Variants in ADGRL3 observed in about 807,000 individuals in gnomAD.
The protein encoded by ADGRL3 is calcium-independent alpha-latrotoxin receptor 3.
In ADGRL3, 62 loss-of-function variants were observed where a neutral mutation model predicts 153.5. The observed-to-expected ratio is 0.40, with a 90% CI of 0.33 to 0.50. ADGRL3 has a LOEUF of 0.50. Among genes scored for constraint, ADGRL3 ranks in the 20% least tolerant of loss-of-function variants. ADGRL3 has a pLI of 0.47. For synonymous variants in ADGRL3, 710 were observed against 672.5 expected (o/e 1.06, Z -0.86); for missense variants, 1,641 against 1,859.4 (o/e 0.88, Z 2.16).
intron 9 of ADGRL3, 122 bp downstream of exon 9, chr4:61,814,011 A>G (rs776135272): frequency 2.4e-6 from 3 of 1,234,162 alleles, no homozygotes; most frequent in Non-Finnish European, 3.3e-6. Context: ...AAAATGAAGT[A>G]TGTGAGTAAT....
At chr4:61,562,560 C>T (rs77248148) in intron 4 of ADGRL3, among the ~76,000 whole-genome samples, 12 of 152,026 alleles carry the variant, frequency 7.9e-5, no homozygotes, top group African/African-American at 1.2e-4. Flanking sequence ...AATGTTCACC[C>T]GGAGTAGATT....
chr4:61,930,098 C>G (rs143632364), intron 13 of ADGRL3, among the ~76,000 whole-genome samples: 1 of 151,520 alleles, frequency 6.6e-6, no homozygotes, highest in South Asian at 2.1e-4. Flanking sequence ...ATGGCATGAA[C>G]CTGGGAGGTG....
intron 9 of ADGRL3, among the ~76,000 whole-genome samples, chr4:61,872,205 C>T (rs370912647): frequency 5.3e-5 from 8 of 152,036 alleles, no homozygotes; most frequent in African/African-American, 9.6e-5. Flanking sequence ...TAGTGTGTGT[C>T]GGATGTGATG....
intron 5 of ADGRL3, among the ~76,000 whole-genome samples, chr4:61,646,932 C>T (rs2150314068): frequency 6.6e-6 from 1 of 152,344 alleles, no homozygotes; most frequent in East Asian, 1.9e-4. Context: ...CAGCGAGACT[C>T]CGTGGGCGTA....
chr4:61,334,163 C>T (rs2095630251), intron 1 of ADGRL3, among the ~76,000 whole-genome samples: 3 of 152,062 alleles, frequency 2.0e-5, no homozygotes, highest in African/African-American at 7.2e-5. Flanking sequence ...GTTATCCTCC[C>T]ACCTCAGCCT....
chr4:61,373,410 T>C (rs1324161646), intron 1 of ADGRL3, among the ~76,000 whole-genome samples: 1 of 152,222 alleles, frequency 6.6e-6, no homozygotes, highest in Admixed American at 6.5e-5. Context: ...TAGGTATACA[T>C]AAAATTATGT....
At chr4:61,641,726 G>A (rs2093684183) in intron 5 of ADGRL3, among the ~76,000 whole-genome samples, 1 of 151,620 alleles carries the variant, frequency 6.6e-6, no homozygotes, top group African/African-American at 2.4e-5. Context: ...TTGCTATTGT[G>A]AATAATGCCA....
intron 4 of ADGRL3, among the ~76,000 whole-genome samples, chr4:61,535,740 A>G (rs2098651834): frequency 6.6e-6 from 1 of 151,952 alleles, no homozygotes; most frequent in Admixed American, 6.6e-5. Context: ...AGATTTTCAT[A>G]ATAGTCTTTG....
chr4:61,513,307 A>G (rs552627997), intron 3 of ADGRL3, among the ~76,000 whole-genome samples: 2 of 152,332 alleles, frequency 1.3e-5, no homozygotes, highest in African/African-American at 2.4e-5. Flanking sequence ...CAAGTTATCT[A>G]TCATTGAATT....
intron 1 of ADGRL3, among the ~76,000 whole-genome samples, chr4:61,352,487 C>G (rs1185218878): frequency 6.6e-6 from 1 of 151,710 alleles, no homozygotes; most frequent in Admixed American, 6.6e-5. Flanking sequence ...CTCCCAGGTT[C>G]AATTATCCTG....
chr4:61,714,978 A>G (rs1294525333), intron 6 of ADGRL3, among the ~76,000 whole-genome samples: 4 of 152,194 alleles, frequency 2.6e-5, no homozygotes, highest in Admixed American at 2.0e-4. Flanking sequence ...ATTTGTAGGC[A>G]TCATCAATCA....
intron 1 of ADGRL3, among the ~76,000 whole-genome samples, chr4:61,265,330 T>G (rs1205952441): frequency 6.6e-6 from 1 of 151,892 alleles, no homozygotes; most frequent in Non-Finnish European, 1.5e-5. Context: ...ATTTCTAAGG[T>G]GGGTTTGATT....
intron 1 of ADGRL3, among the ~76,000 whole-genome samples, chr4:61,238,166 C>T (rs972113938): frequency 1.3e-5 from 2 of 152,142 alleles, no homozygotes; most frequent in South Asian, 2.1e-4. Flanking sequence ...TCTTATAGTA[C>T]AAGAGCACAA....
intron 17 of ADGRL3, 43 bp from the exon 18 acceptor site, chr4:61,979,520 T>A (rs1372654196): frequency 6.5e-7 from 1 of 1,540,212 alleles, no homozygotes; most frequent in South Asian, 1.1e-5. Context: ...TTGTAATTGG[T>A]TATGCATAAG....
intron 1 of ADGRL3, among the ~76,000 whole-genome samples, chr4:61,211,355 C>A (rs893931640): frequency 1.3e-5 from 2 of 152,186 alleles, no homozygotes; most frequent in African/African-American, 2.4e-5. Context: ...CTGCTGGATT[C>A]ATTCCCTTTC....
At chr4:61,632,679 C>CT (rs2093236512) in intron 5 of ADGRL3, among the ~76,000 whole-genome samples, 1 of 152,068 alleles carries the variant, frequency 6.6e-6, no homozygotes, top group Admixed American at 6.6e-5. Flanking sequence ...TGTTTTCTTG[C>CT]TTTTTTATTT....
intron 2 of ADGRL3, among the ~76,000 whole-genome samples, chr4:61,426,435 C>T (rs557879103): frequency 8.2e-6 from 1 of 122,414 alleles, no homozygotes; most frequent in Non-Finnish European, 1.8e-5. Flanking sequence ...TATGCCATGC[C>T]CCATCGGGAA....
intron 1 of ADGRL3, among the ~76,000 whole-genome samples, chr4:61,272,610 C>T (rs1172467108): frequency 6.6e-6 from 1 of 151,968 alleles, no homozygotes; most frequent in African/African-American, 2.4e-5. Context: ...CTGCTATGGC[C>T]TCTAGTAGGA....
At chr4:61,236,008 C>CTTTTTTTTTTTTTTTTT (rs55932029) in intron 1 of ADGRL3, among the ~76,000 whole-genome samples, 3 of 95,852 alleles carry the variant, frequency 3.1e-5, no homozygotes, top group Non-Finnish European at 5.7e-5. Context: ...CTTTTCTTTT[C>CTTTTTTTTTTTTTTTTT]TTTTTTTTTT....
Sources: gnomAD v4.1 joint callset for allele counts (sites outside exome capture counted in the v4.1 genomes callset) on GRCh38, gnomAD v4.1.1 for gene constraint, MANE v1.5 for transcripts, NCBI Gene and HGNC (gene_info 2026-07-23, HGNC 2026-07-21) for gene names.